Variants in RGSL1 observed in about 807,000 individuals in gnomAD.
The protein encoded by RGSL1 is regulator of G protein signaling protein-like.
In RGSL1, 97 loss-of-function variants were observed where a neutral mutation model predicts 124.7. That is an observed-to-expected ratio of 0.78 (90% CI 0.66 to 0.92). RGSL1 has a LOEUF of 0.92. Ranked by LOEUF, RGSL1 falls within the 40% of genes least tolerant of loss-of-function variation. The pLI, the probability that RGSL1 is intolerant of heterozygous loss-of-function variation, is 0.00. For missense variants in RGSL1, 1,233 were observed against 1,288.4 expected (o/e 0.96, Z 0.66); for synonymous variants, 424 against 438.1 (o/e 0.97, Z 0.40).
At chr1:182,555,427 G>C (rs534101710) in intron 20 of RGSL1, 3 of 155,256 alleles carry the variant, frequency 1.9e-5, no homozygotes, top group East Asian at 3.8e-4. Context: ...GCTCAGGGCA[G>C]GGTGCATAAG....
chr1:182,517,444 A>AT (rs911109106), intron 9 of RGSL1, among the ~76,000 whole-genome samples: 3 of 34,406 alleles, frequency 8.7e-5, no homozygotes, highest in African/African-American at 4.0e-4. Flanking sequence ...TTCAATTATT[A>AT]TTTTTTTTTA....
chr1:182,501,989 T>A (rs1367960592), intron 9 of RGSL1, among the ~76,000 whole-genome samples: 3 of 152,242 alleles, frequency 2.0e-5, no homozygotes, highest in Admixed American at 1.3e-4. Context: ...ACTTTGTTTA[T>A]CTAGATTACC....
chr1:182,508,428 T>C (rs959695733), intron 9 of RGSL1, among the ~76,000 whole-genome samples: 2 of 149,180 alleles, frequency 1.3e-5, no homozygotes, highest in African/African-American at 2.5e-5. Context: ...GCCTCCTGAA[T>C]AGCTGGGATT....
At chr1:182,485,013 G>A (rs913387505) in intron 6 of RGSL1, among the ~76,000 whole-genome samples, 1 of 152,138 alleles carries the variant, frequency 6.6e-6, no homozygotes, top group Non-Finnish European at 1.5e-5. Context: ...GGCCACAGGA[G>A]GCAGGGCACA....
chr1:182,546,689 C>T (rs578060225), intron 15 of RGSL1, among the ~76,000 whole-genome samples: 2 of 152,328 alleles, frequency 1.3e-5, no homozygotes, highest in South Asian at 4.1e-4. Context: ...CTGCACCCAG[C>T]CAACAACACT....
At chr1:182,447,994 C>T (rs910264068), upstream of RGSL1, 1 of 151,236 alleles carries the variant, frequency 6.6e-6, no homozygotes, top group South Asian at 2.1e-4. Flanking sequence ...AAGCATTTTA[C>T]CAGTTAGGAA....
chr1:182,504,673 C>A (rs1040225651), intron 9 of RGSL1, among the ~76,000 whole-genome samples: 1 of 151,898 alleles, frequency 6.6e-6, no homozygotes, highest in African/African-American at 2.4e-5. Flanking sequence ...TTTGTAAAGT[C>A]TGTATTCTTC....
At chr1:182,491,346 G>A (rs1240907680) in intron 8 of RGSL1, among the ~76,000 whole-genome samples, 1 of 152,024 alleles carries the variant, frequency 6.6e-6, no homozygotes, top group Non-Finnish European at 1.5e-5. Flanking sequence ...CTCCAGAGTA[G>A]CTGGGATTAC....
At chr1:182,514,208 A>G (rs960509598) in intron 9 of RGSL1, among the ~76,000 whole-genome samples, 17 of 152,150 alleles carry the variant, frequency 1.1e-4, no homozygotes, top group African/African-American at 3.6e-4. Context: ...TGAGATTTTC[A>G]TTAAATCCCT....
intron 10 of RGSL1, among the ~76,000 whole-genome samples, chr1:182,525,529 A>G (rs1463245268): frequency 6.6e-6 from 1 of 150,710 alleles, no homozygotes; most frequent in African/African-American, 2.4e-5. Flanking sequence ...TCAATAACAG[A>G]TTTAAGTTGA....
At chr1:182,462,698 A>G (rs903274482) in intron 4 of RGSL1, among the ~76,000 whole-genome samples, 3 of 152,336 alleles carry the variant, frequency 2.0e-5, no homozygotes, top group African/African-American at 7.2e-5. Flanking sequence ...TTGTGACATC[A>G]ACAACCAAAA....
rs191940089 is a variant in RGSL1, at chr1:182,553,413, T to C, written c.3044-42T>C. On this transcript the variant is annotated intron_variant, in intron 18 of 21. Coordinates refer to ENST00000294854, the MANE Select transcript of RGSL1 (RefSeq NM_001137669.2). The stretch of plus-strand genomic sequence containing the variant: ...TTAGAGAGATTTATTTCAGTAGGAG[T>C]TGTCGCAGGTGTTTTTAATGCTTGT... The C allele has an allele frequency of 5.0e-5, 72 of 1,430,186 alleles. 1 individual carries two copies. Among genetic ancestry groups the C allele is most frequent in the Non-Finnish European group, 6.7e-5 (69 of 1,037,532 alleles). 88.6% of individuals were successfully genotyped at this position (1,430,186 alleles called of 1,614,324 possible).
intron 20 of RGSL1, 41 bp downstream of exon 20, chr1:182,554,734 G>A: frequency 1.3e-6 from 2 of 1,538,526 alleles, no homozygotes; most frequent in Non-Finnish European, 1.8e-6. Context: ...GTCCAGAGCT[G>A]CTATGTCCAA....
chr1:182,523,284 TC>T (rs1658493338), intron 10 of RGSL1, among the ~76,000 whole-genome samples: 1 of 151,154 alleles, frequency 6.6e-6, no homozygotes, highest in Non-Finnish European at 1.5e-5. Context: ...CAAGTGATCC[TC>T]CCACCTTAAC....
chr1:182,527,076 C>G (rs1658802898), intron 10 of RGSL1, among the ~76,000 whole-genome samples: 1 of 151,896 alleles, frequency 6.6e-6, no homozygotes, highest in Non-Finnish European at 1.5e-5. Flanking sequence ...TTCCTCATAT[C>G]AATAAAAATT....
At chr1:182,492,668 A>G (rs1219488923) in intron 8 of RGSL1, among the ~76,000 whole-genome samples, 3 of 145,828 alleles carry the variant, frequency 2.1e-5, no homozygotes, top group African/African-American at 7.6e-5. Flanking sequence ...TCTGTGGCCC[A>G]GGCTGGATGG....
At chr1:182,479,304 A>G (rs1490982200) in intron 6 of RGSL1, among the ~76,000 whole-genome samples, 1 of 152,216 alleles carries the variant, frequency 6.6e-6, no homozygotes, top group Non-Finnish European at 1.5e-5. Context: ...TAATGAAAAC[A>G]CAATATAGAA....
rs770356971 is a variant in RGSL1, at chr1:182,553,490, G to GAAT, written c.3079_3080insAAT (p.Gly1027delinsGluCys). 6.4e-7 allele frequency: 1 copy of GAAT among 1,551,974 alleles called. No individual in the cohort carries two copies. The highest frequency in any genetic ancestry group is 1.2e-5 in the South Asian group (1 of 84,036). ...CATCTTAAGGTTCACCTTGCTCAGA[G>GAAT]GTATTGAGTGGTTGCAGCCTCAACG... On this transcript the variant is annotated protein_altering_variant, in exon 19 of 22. Transcript: ENST00000294854.
intron 9 of RGSL1, among the ~76,000 whole-genome samples, chr1:182,521,766 C>T (rs756871947): frequency 4.6e-5 from 7 of 152,068 alleles, no homozygotes; most frequent in South Asian, 2.1e-4. Context: ...GGAAGGTGGG[C>T]GCTAGACTTA....
Sources: allele counts gnomAD v4.1 joint callset (sites outside exome capture counted in the v4.1 genomes callset), GRCh38; gene constraint gnomAD v4.1.1; transcripts MANE v1.5; gene names NCBI Gene and HGNC (gene_info 2026-07-23, HGNC 2026-07-21).